Variants in UBR4 observed in about 807,000 individuals in gnomAD.
The protein encoded by UBR4 is ubiquitin protein ligase E3 component n-recognin 4, also known as E3 ubiquitin-protein ligase UBR4.
Under a neutral mutation model 575.6 loss-of-function variants are expected in UBR4, and 124 were observed. The ratio of observed to expected loss-of-function variants is 0.22; its 90% CI spans 0.19 to 0.25. UBR4 has a LOEUF of 0.25. UBR4 is among the 10% of genes least tolerant of loss of function. The pLI is 1.00. For synonymous variants in UBR4, 2,455 were observed against 2,473.7 expected (o/e 0.99, Z 0.22); for missense variants, 4,818 against 6,478.8 (o/e 0.74, Z 8.80).
intron 99 of UBR4, among the ~76,000 whole-genome samples, chr1:19,087,601 T>C (rs574853083): frequency 9.2e-5 from 14 of 152,334 alleles, no homozygotes; most frequent in African/African-American, 3.4e-4. Context: ...TGAGCAGCAT[T>C]TGTCATGATG....
At chr1:19,122,169 G>A (rs1207469168) in intron 66 of UBR4, among the ~76,000 whole-genome samples, 157 bp from the exon 67 acceptor site, 2 of 152,132 alleles carry the variant, frequency 1.3e-5, no homozygotes, top group South Asian at 4.1e-4. Flanking sequence ...TGGTCAACCT[G>A]GGACCATGAC....
At chr1:19,154,507 C>A (rs543814391) in intron 44 of UBR4, among the ~76,000 whole-genome samples, 48 of 152,282 alleles carry the variant, frequency 3.2e-4, no homozygotes, top group African/African-American at 9.4e-4. Context: ...CATATCCAAC[C>A]ATGCCCCCAT....
intron 102 of UBR4, chr1:19,081,818 A>C: frequency 1.4e-6 from 1 of 690,732 alleles, no homozygotes; most frequent in Non-Finnish European, 2.7e-6. Flanking sequence ...TCTAGCTCCT[A>C]CCCCAGCTCT....
intron 26 of UBR4, among the ~76,000 whole-genome samples, chr1:19,170,416 T>G (rs2089332138): frequency 6.7e-6 from 1 of 149,524 alleles, no homozygotes; most frequent in Non-Finnish European, 1.5e-5. Flanking sequence ...GAGAAGAGAG[T>G]GGGGAGGGGA....
chr1:19,112,845 T>A lies in UBR4; in HGVS notation c.11480A>T (p.Glu3827Val), dbSNP rs1367412856. Residue 3827 changes from glutamate to valine, a missense_variant, in exon 78 of 106, where the codon GAG becomes GTG. This residue lies in a region of UBR4 where 333 missense variants were observed against 459.2 expected (regional missense o/e 0.73). Transcript: ENST00000375254. ...CTGCTGTAGGTCATATTCCAACAAC[T>A]CTTTGCGCGAAGCAAAGACTTTCTA... ...IIQKVFASRK[E>V]LLEYDLQQRE... 1 of 1,589,282 alleles carries A rather than the reference T, an allele frequency of 6.3e-7. No homozygotes were observed. The highest frequency in any genetic ancestry group is 8.6e-7 in the Non-Finnish European group (1 of 1,164,036).
chr1:19,074,641 A>G lies in UBR4; in HGVS notation c.*191T>C. 1 of 647,012 alleles carries G rather than the reference A, an allele frequency of 1.5e-6. No individual in the cohort carries two copies. Among genetic ancestry groups the G allele is most frequent in the Non-Finnish European group, 2.7e-6 (1 of 370,026 alleles). 40.1% of individuals were successfully genotyped at this position (647,012 alleles called of 1,614,324 possible). A position where few individuals can be genotyped will look rare whatever the true frequency, so the allele number is the denominator to read the frequency against. On this transcript the variant is annotated 3_prime_UTR_variant, in exon 106 of 106. Coordinates refer to ENST00000375254, the MANE Select transcript of UBR4 (RefSeq NM_020765.3). ...TGGCTTGGGTTACAGACAACCTCAT[A>G]GCTGGTGCACCACACACACGAGATA...
intron 69 of UBR4, 48 bp downstream of exon 69, chr1:19,120,132 C>T: frequency 6.2e-7 from 1 of 1,600,314 alleles, no homozygotes; most frequent in Non-Finnish European, 8.5e-7. Context: ...CATTACGCAC[C>T]CTGGCCTCAC....
Position 19,128,218 on chromosome 1 carries a change from T to A in UBR4, c.9104A>T (p.Asp3035Val). 2 of 1,613,992 alleles carry A rather than the reference T, an allele frequency of 1.2e-6. No homozygotes were observed. The highest frequency in any genetic ancestry group is 1.7e-6 in the Non-Finnish European group (2 of 1,179,880). Residue 3035 changes from aspartate to valine, a missense_variant, in exon 62 of 106, where the codon GAT (aspartate) becomes GTT (valine). Physicochemically the swap from Asp to Val is radical, Grantham distance 152 (BLOSUM62 -3). This residue lies in a region of UBR4 where 550 missense variants were observed against 791.5 expected (regional missense o/e 0.69). Transcript: ENST00000375254. ...LSQLIAELGMDKKDVSKKNER... is the reference protein window; with the variant it reads ...LSQLIAELGMVKKDVSKKNER... ...CTGCCTCTCAGATTTTACCTTTTTA[T>A]CCATACCCAACTCAGCAATAAGCTG... is the stretch of plus-strand genomic sequence containing the variant.
At chr1:19,165,152 C>A in intron 31 of UBR4, 97 bp downstream of exon 31, 1 of 1,476,084 alleles carries the variant, frequency 6.8e-7, no homozygotes, top group Non-Finnish European at 9.4e-7. Flanking sequence ...CACTCGTTAG[C>A]ATTTTCATGC....
At chr1:19,133,135 C>T (rs2082729921) in intron 60 of UBR4, among the ~76,000 whole-genome samples, 1 of 152,062 alleles carries the variant, frequency 6.6e-6, no homozygotes, top group Admixed American at 6.5e-5. Flanking sequence ...GAATACCAAT[C>T]CCTGACAAAG....
intron 59 of UBR4, 58 bp from the exon 60 acceptor site, chr1:19,138,239 T>C: frequency 2.8e-6 from 4 of 1,426,856 alleles, no homozygotes; most frequent in East Asian, 2.5e-5. Context: ...AGGAACCCAG[T>C]GCATTCTAAA....
Position 19,088,632 on chromosome 1 carries a change from A to ACCTAGTT in UBR4, c.14430+120_14430+126dup. The ACCTAGTT allele has an allele frequency of 2.3e-6, 2 of 855,118 alleles. No homozygotes were observed. The highest frequency in any genetic ancestry group is 3.7e-6 in the Non-Finnish European group (2 of 536,932). 53.0% of individuals were successfully genotyped at this position (855,118 alleles called of 1,614,324 possible). A position where few individuals can be genotyped will look rare whatever the true frequency, so the allele number is the denominator to read the frequency against. On this transcript the variant is annotated intron_variant, in intron 98 of 105. Transcript: ENST00000375254. The surrounding 1 kb of genome is among the most constrained non-coding windows in gnomAD (Gnocchi z 4.0). ...TTCCACCTCTGAGAGGGCCGAACAC[A>ACCTAGTT]CCTAGTTCCTTCCTCCTACTCTGTC... is the stretch of plus-strand genomic sequence containing the variant.
intron 101 of UBR4, 121 bp from the exon 102 acceptor site, chr1:19,084,819 G>A: frequency 1.0e-6 from 1 of 958,212 alleles, no homozygotes; most frequent in Non-Finnish European, 1.5e-6. Context: ...TGCAAACGGA[G>A]ACAAGAATAC....
Position 19,117,554 on chromosome 1 carries a change from G to C in UBR4, c.10630-140C>G. On this transcript the variant is annotated intron_variant, in intron 72 of 105. Coordinates refer to ENST00000375254, the MANE Select transcript of UBR4 (RefSeq NM_020765.3). This position sits in a 1 kb window ranked among gnomAD's most constrained non-coding sequence, Gnocchi z 4.0. ...TTAAAAAATATTTTGTAGAGATGGG[G>C]TCTCACCATCTTGCCCAGGCTGGTC... The C allele has an allele frequency of 9.4e-7, 1 of 1,060,878 alleles. No individual in the cohort carries two copies. Among genetic ancestry groups the C allele is most frequent in the Non-Finnish European group, 1.3e-6 (1 of 751,174 alleles). 65.7% of individuals were successfully genotyped at this position (1,060,878 alleles called of 1,614,324 possible). A position where few individuals can be genotyped will look rare whatever the true frequency, so the allele number is the denominator to read the frequency against.
intron 32 of UBR4, 97 bp from the exon 33 acceptor site, chr1:19,164,538 T>G: frequency 7.6e-7 from 1 of 1,319,446 alleles, no homozygotes. Context: ...AATACATAAC[T>G]ACAATACCAA....
At chr1:19,177,859 T>A in intron 18 of UBR4, 116 bp from the exon 19 acceptor site, 2 of 1,233,258 alleles carry the variant, frequency 1.6e-6, no homozygotes, top group African/African-American at 3.1e-5. Flanking sequence ...GATAACAAAT[T>A]AAGGAAGAAA....
chr1:19,145,921 T>C lies in UBR4; in HGVS notation c.7817A>G (p.Glu2606Gly). The C allele has an allele frequency of 6.2e-7, 1 of 1,614,084 alleles. No homozygotes were observed. The highest frequency in any genetic ancestry group is 8.5e-7 in the Non-Finnish European group (1 of 1,179,970). ...CAACTGCTTCTGCGGTTCCTTCCCT[T>C]CATCCATTCCTTCTAAGCAGGAGAA... ...LPQMETEGMD[E>G]GKEPQKQLEG... Residue 2606 changes from glutamate (E) to glycine (G), a missense_variant, in exon 53 of 106, where the codon GAA becomes GGA. Physicochemically the swap from Glu to Gly is moderately conservative, Grantham distance 98. Coordinates refer to ENST00000375254, the MANE Select transcript of UBR4 (RefSeq NM_020765.3).
intron 39 of UBR4, among the ~76,000 whole-genome samples, chr1:19,158,452 A>G (rs1286243822): frequency 6.8e-6 from 1 of 146,568 alleles, no homozygotes; most frequent in Admixed American, 6.8e-5. Flanking sequence ...ACCGTGACTC[A>G]TTTTTTTTTT....
chr1:19,147,959 C>T (rs1178435662), intron 51 of UBR4, 34 bp downstream of exon 51: 8 of 1,601,490 alleles, frequency 5.0e-6, no homozygotes, highest in Non-Finnish European at 6.8e-6. Context: ...TCCCTGTCAG[C>T]ACTGCAATTT....
Sources: allele counts gnomAD v4.1 joint callset (sites outside exome capture counted in the v4.1 genomes callset), GRCh38; gene constraint gnomAD v4.1.1; regional missense constraint gnomAD v4.1.1; non-coding constraint Gnocchi (gnomAD v3.1); transcripts MANE v1.5; gene names NCBI Gene and HGNC (gene_info 2026-07-23, HGNC 2026-07-21).